Variants in COCH observed in about 807,000 individuals in gnomAD.
The protein encoded by COCH is cochlin, also known as coagulation factor C homolog, cochlin (Limulus polyphemus).
Under a neutral mutation model 54.8 loss-of-function variants are expected in COCH, and 40 were observed. The observed-to-expected ratio is 0.73, with a 90% CI of 0.57 to 0.95. The LOEUF is 0.95. Among genes scored for constraint, COCH ranks in the 40% least tolerant of loss-of-function variants. The pLI is 0.00. For synonymous variants in COCH, 256 were observed against 237.9 expected, an observed-to-expected ratio of 1.08 and a Z score of -0.70; for missense variants, 605 against 675.0, an observed-to-expected ratio of 0.90 and a Z score of 1.15.
At chr14:30,875,239 G>A in intron 3 of COCH, 136 bp downstream of exon 3, 9 of 1,245,536 alleles carry the variant, frequency 7.2e-6, no homozygotes, top group Non-Finnish European at 9.9e-6. Flanking sequence ...GAGCCGCCGC[G>A]TGGCGCGCCC....
At chr14:30,892,085 TTAAGA>T (rs1895994989), downstream of COCH, among the ~76,000 whole-genome samples, 1 of 146,574 alleles carries the variant, frequency 6.8e-6, no homozygotes, top group Non-Finnish European at 1.5e-5. Context: ...AATCAACATA[TTAAGA>T]TTTGTATAAA....
At chr14:30,881,116 G>A (rs1213114907) in intron 8 of COCH, among the ~76,000 whole-genome samples, 1 of 151,196 alleles carries the variant, frequency 6.6e-6, no homozygotes, top group East Asian at 1.9e-4. Context: ...TTGGGAGGCT[G>A]AGGCAGGAGA....
In COCH at chr14:30,886,349, A is replaced by T. The variant is rs772192202; in HGVS notation, c.1477+37A>T. ...GTTCTTTATAGGAGAAGGGAACAGAAAAAACGGTTCAGTGAATTTAGGAGT... is the reference window on the plus strand; with the variant it reads ...GTTCTTTATAGGAGAAGGGAACAGATAAAACGGTTCAGTGAATTTAGGAGT... On this transcript the variant is annotated intron_variant, in intron 11 of 11. Coordinates refer to ENST00000396618, the MANE Select transcript of COCH (RefSeq NM_004086.3). 6 of 1,611,146 alleles carry T rather than the reference A, an allele frequency of 3.7e-6. No homozygotes were observed. In the East Asian group the frequency reaches 1.1e-4, roughly 30 times the overall value.
Position 30,890,221 on chromosome 14 carries a change from C to T in COCH, c.*430C>T. The T allele has an allele frequency of 5.1e-6, 5 of 990,046 alleles. No homozygotes were observed. Among genetic ancestry groups the T allele is most frequent in the Non-Finnish European group, 6.0e-6 (5 of 832,572 alleles). The allele number at this position is 990,046 out of a possible 1,614,324, so 61.3% of individuals were successfully genotyped here. On this transcript the variant is annotated 3_prime_UTR_variant, in exon 12 of 12. Coordinates refer to ENST00000396618, the MANE Select transcript of COCH (RefSeq NM_004086.3). ...AACTTAAATGAACACAGCTCTTTAA[C>T]ATGGTTCAGGTACACATATTTTGAC...
rs375612298 is a variant in COCH, at chr14:30,885,446, A to G, written c.786A>G (p.Val262=). 96 of 1,614,188 alleles carry G rather than the reference A, an allele frequency of 5.9e-5. No individual in the cohort carries two copies. The African/African-American group carries it at 1.1e-3, about 19-fold the overall frequency. ...AQKFFTVDAG[V]RKGIPKVVVV... is the part of the protein sequence containing the mutation. ...AATTCTTCACGGTAGATGCTGGAGT[A>G]AGAAAAGGGATCCCCAAAGTGGTGG... The change falls in exon 10 of 12, where the codon GTA becomes GTG. Residue 262 remains valine, a synonymous_variant. Transcript: ENST00000396618.
chr14:30,892,445 T>C (rs1478730596), downstream of COCH, among the ~76,000 whole-genome samples: 1 of 152,166 alleles, frequency 6.6e-6, no homozygotes. Context: ...AGGAGAAAAG[T>C]ACCCCCTTTA....
chr14:30,877,691 G>C lies in COCH; in HGVS notation c.202G>C (p.Ala68Pro), dbSNP rs752031300. 6.2e-7 allele frequency: 1 copy of C among 1,614,226 alleles called. No homozygotes were observed. The highest frequency in any genetic ancestry group is 8.5e-7 in the Non-Finnish European group (1 of 1,180,040). ...EFSVYGNIVY[A>P]SVSSICGAAV... ...CTCTGTGTATGGGAACATAGTATAT[G>C]CTTCTGTATCGAGCATATGTGGGGC... The change falls in exon 4 of 12, where the codon GCT (alanine) becomes CCT (proline). Residue 68 changes from alanine to proline, a missense_variant. Physicochemically the swap from Ala to Pro is conservative, Grantham distance 27 (BLOSUM62 -1). Transcript: ENST00000396618. The surrounding 1 kb of genome is among the most constrained non-coding windows in gnomAD (Gnocchi z 8.6).
rs369827155 is a variant in COCH, at chr14:30,877,713, G to A, written c.224G>A (p.Gly75Glu). 61 of 1,614,076 alleles carry A rather than the reference G, an allele frequency of 3.8e-5. No individual in the cohort carries two copies. Among genetic ancestry groups the A allele is most frequent in the Non-Finnish European group, 4.7e-5 (56 of 1,180,054 alleles). ...TATGCTTCTGTATCGAGCATATGTGGGGCTGCTGTCCACAGGTAAGCCCAA... is the reference window on the plus strand; with the variant it reads ...TATGCTTCTGTATCGAGCATATGTGAGGCTGCTGTCCACAGGTAAGCCCAA... The part of the protein sequence containing the change: ...IVYASVSSIC[G>E]AAVHRGVISN... The change falls in exon 4 of 12, where the codon GGG becomes GAG. Residue 75 changes from glycine (G) to glutamate (E), a missense_variant. Gly to Glu is a moderately conservative substitution (Grantham distance 98). Transcript: ENST00000396618. The surrounding 1 kb of genome is among the most constrained non-coding windows in gnomAD (Gnocchi z 8.6).
chr14:30,884,940 T>C (rs766704047), intron 9 of COCH: 65 of 1,597,214 alleles, frequency 4.1e-5, no homozygotes, highest in Admixed American at 3.3e-5. Flanking sequence ...CTCTTTGTAA[T>C]GCTAAAAAGA....
downstream of COCH, chr14:30,894,893 CTTTT>C (rs34255465): frequency 3.5e-5 from 26 of 741,464 alleles, no homozygotes; most frequent in South Asian, 1.7e-4. Context: ...TTTTCTTTTT[CTTTT>C]TTTTTTTTTT....
At chr14:30,876,517 T>C (rs1004233198) in intron 3 of COCH, 1 of 152,216 alleles carries the variant, frequency 6.6e-6, no homozygotes, top group African/African-American at 2.4e-5. Flanking sequence ...AGAATGTTGT[T>C]TGGGCAAATT....
At chr14:30,880,840 C>A in intron 8 of COCH, 106 bp downstream of exon 8, 1 of 828,532 alleles carries the variant, frequency 1.2e-6, no homozygotes, top group African/African-American at 1.7e-5. Flanking sequence ...TTCATACATA[C>A]AATGTATAGT....
chr14:30,886,427 A>C, intron 11 of COCH, 115 bp downstream of exon 11: 2 of 1,108,242 alleles, frequency 1.8e-6, no homozygotes, highest in Non-Finnish European at 2.6e-6. Context: ...GGCTTTACCC[A>C]ATATTAACTG....
intron 8 of COCH, among the ~76,000 whole-genome samples, chr14:30,880,949 C>A (rs560333801): frequency 1.3e-5 from 2 of 152,138 alleles, no homozygotes; most frequent in East Asian, 3.8e-4. Flanking sequence ...TGCAGTGGCT[C>A]ACGCCTGTAA....
At chr14:30,875,393 C>T in intron 3 of COCH, 1 of 597,626 alleles carries the variant, frequency 1.7e-6, no homozygotes, top group Non-Finnish European at 3.0e-6. Context: ...GACCCCGGGC[C>T]CGCTGAGCGC....
chr14:30,879,484 A>AG lies in COCH; in HGVS notation c.436+1dup. 1.2e-6 allele frequency: 2 copies of AG among 1,614,052 alleles called. No homozygotes were observed. Among genetic ancestry groups the AG allele is most frequent in the Non-Finnish European group, 1.7e-6 (2 of 1,179,924 alleles). The stretch of plus-strand genomic sequence containing the variant: ...CAGTGTCCACAGCACATCCACCAAC[A>AG]GGTATGAACTATGAAACCTATCTCC... On this transcript the variant is annotated frameshift_variant and splice_region_variant, in exon 6 of 12. Coordinates refer to ENST00000396618, the MANE Select transcript of COCH (RefSeq NM_004086.3). LOFTEE classifies it high-confidence loss of function.
chr14:30,875,406 G>T, intron 3 of COCH: 1 of 596,870 alleles, frequency 1.7e-6, no homozygotes, highest in Non-Finnish European at 3.0e-6. Context: ...CTGAGCGCCG[G>T]CAGCAGGAGG....
intron 1 of COCH, 160 bp from the exon 2 acceptor site, chr14:30,874,756 G>T (rs920494289): frequency 1.9e-5 from 13 of 683,442 alleles, no homozygotes; most frequent in East Asian, 2.7e-5. Context: ...CCGCCGAGGC[G>T]CCTCCCAGAC....
At chr14:30,874,691 C>T in intron 1 of COCH, 100 bp downstream of exon 1, 1 of 597,490 alleles carries the variant, frequency 1.7e-6, no homozygotes, top group South Asian at 2.0e-5. Flanking sequence ...GTTTTGGCGC[C>T]CCCGCCTCCC....
Sources: gnomAD v4.1 joint callset for allele counts (sites outside exome capture counted in the v4.1 genomes callset) on GRCh38, gnomAD v4.1.1 for gene constraint, Gnocchi (gnomAD v3.1) non-coding constraint, MANE v1.5 for transcripts, NCBI Gene and HGNC (gene_info 2026-07-23, HGNC 2026-07-21) for gene names.